Variants in IFNGR2 observed in about 807,000 individuals in gnomAD.
IFNGR2 encodes interferon gamma receptor 2.
IFNGR2 carries 15 observed loss-of-function variants against 41.1 expected under a neutral mutation model. That is an observed-to-expected ratio of 0.37 (90% CI 0.24 to 0.56). The LOEUF (loss-of-function observed/expected upper bound fraction) is 0.56. Among genes scored for constraint, IFNGR2 ranks in the 20% least tolerant of loss-of-function variants. IFNGR2 has a pLI of 0.81. For missense variants in IFNGR2, 362 were observed against 415.7 expected (o/e 0.87, Z 1.12); for synonymous variants, 161 against 171.6 (o/e 0.94, Z 0.48).
Position 33,414,948 on chromosome 21 carries a change from A to G in IFNGR2, c.134A>G (p.Gln45Arg). 6.2e-7 allele frequency: 1 copy of G among 1,614,092 alleles called. No homozygotes were observed. The change falls in exon 2 of 7, where the codon CAG (glutamine) becomes CGG (arginine). Residue 45 changes from glutamine (Q) to arginine (R), a missense_variant. Physicochemically the swap from Gln to Arg is conservative, Grantham distance 43. Coordinates refer to ENST00000290219, the MANE Select transcript of IFNGR2 (RefSeq NM_005534.4). The stretch of plus-strand genomic sequence containing the variant: ...AAGATTCGCCTGTACAACGCAGAGC[A>G]GGTCCTGAGTTGGGAGCCAGTGGCC... ...HPKIRLYNAEQVLSWEPVALS... is the reference protein window; with the variant it reads ...HPKIRLYNAERVLSWEPVALS...
chr21:33,414,061 G>C (rs2083735652), intron 1 of IFNGR2, among the ~76,000 whole-genome samples: 1 of 152,078 alleles, frequency 6.6e-6, no homozygotes, highest in Non-Finnish European at 1.5e-5. Context: ...TCAAACTCCT[G>C]ACCTCGAGTG....
At chr21:33,428,971 C>A (rs1195108343) in intron 4 of IFNGR2, among the ~76,000 whole-genome samples, 2 of 152,194 alleles carry the variant, frequency 1.3e-5, no homozygotes, top group African/African-American at 2.4e-5. Context: ...AGCTCCAGGA[C>A]CCTGGGGCCA....
At chr21:33,416,992 C>T (rs1292955536) in intron 2 of IFNGR2, among the ~76,000 whole-genome samples, 1 of 147,810 alleles carries the variant, frequency 6.8e-6, no homozygotes, top group Non-Finnish European at 1.5e-5. Flanking sequence ...ACGATCTTGG[C>T]TCACTGGACC....
chr21:33,436,719 C>CAA, intron 6 of IFNGR2, 109 bp from the exon 7 acceptor site: 3 of 790,948 alleles, frequency 3.8e-6, no homozygotes, highest in Non-Finnish European at 5.6e-6. Context: ...GACTCCATCT[C>CAA]AAAAAAAAAA....
chr21:33,407,648 T>A (rs927184206), intron 1 of IFNGR2, among the ~76,000 whole-genome samples: 1 of 152,248 alleles, frequency 6.6e-6, no homozygotes, highest in Admixed American at 6.5e-5. Context: ...CAGGTGGGAA[T>A]GCAGTGGCGC....
At chr21:33,406,248 C>T (rs372110292) in intron 1 of IFNGR2, among the ~76,000 whole-genome samples, 26 of 151,800 alleles carry the variant, frequency 1.7e-4, no homozygotes, top group African/African-American at 5.1e-4. Flanking sequence ...TGGTGGTTGG[C>T]GCCTGTAATC....
chr21:33,426,059 C>T (rs2123356740), intron 3 of IFNGR2, among the ~76,000 whole-genome samples: 1 of 152,342 alleles, frequency 6.6e-6, no homozygotes, highest in East Asian at 1.9e-4. Context: ...CTAGCCTGAC[C>T]TGTGAATTAT....
Position 33,403,631 on chromosome 21 carries a change from G to T in IFNGR2, c.73+15G>T. On this transcript the variant is annotated intron_variant, in intron 1 of 6. Transcript: ENST00000290219. ...GGCCCCGCCAGGTGAGCCGGGCCTG[G>T]GCCTCCGCGGCGGGACGCGGGCGCA... 1 of 1,318,466 alleles carries T rather than the reference G, an allele frequency of 7.6e-7. No homozygotes were observed. The allele number at this position is 1,318,466 out of a possible 1,614,324, so 81.7% of individuals were successfully genotyped here.
chr21:33,423,106 C>G (rs2123351946), intron 3 of IFNGR2, among the ~76,000 whole-genome samples: 1 of 134,012 alleles, frequency 7.5e-6, no homozygotes. Context: ...GTGGCGCAAT[C>G]TTGGCTCACT....
intron 1 of IFNGR2, among the ~76,000 whole-genome samples, chr21:33,404,440 T>C (rs909324733): frequency 4.6e-5 from 7 of 152,062 alleles, no homozygotes; most frequent in Admixed American, 4.6e-4. Context: ...GGCATTTATT[T>C]ATTTTATTGT....
chr21:33,410,414 C>T (rs2083707312), intron 1 of IFNGR2, among the ~76,000 whole-genome samples: 1 of 151,278 alleles, frequency 6.6e-6, no homozygotes, highest in Non-Finnish European at 1.5e-5. Flanking sequence ...ATCCACCCAC[C>T]TTGGCCTCCC....
chr21:33,436,746 A>T (rs1046025394), intron 6 of IFNGR2, 82 bp from the exon 7 acceptor site: 1 of 1,166,984 alleles, frequency 8.6e-7, no homozygotes, highest in Admixed American at 2.3e-5. Flanking sequence ...TAAAAATAAA[A>T]TAAAAACAAA....
rs1391490229 is a variant in IFNGR2 at position 33,432,730 on chromosome 21, G to A, written c.738G>A (p.Gln246=). 2 of 1,614,024 alleles carry A rather than the reference G, an allele frequency of 1.2e-6. No individual in the cohort carries two copies. The highest frequency in any genetic ancestry group is 1.7e-5 in the Admixed American group (1 of 59,980). Residue 246 remains glutamine (Q), a synonymous_variant, in exon 6 of 7, where the codon CAG becomes CAA. Transcript: ENST00000290219. ...ETMADASTEL[Q]QVILISVGTF... Reference sequence around the variant, plus strand: ...TCTTTTTAGCCTCCACTGAGCTTCAGCAAGTCATCCTGATCTCCGTGGGAA... The same window carrying A: ...TCTTTTTAGCCTCCACTGAGCTTCAACAAGTCATCCTGATCTCCGTGGGAA...
chr21:33,405,583 A>G (rs753752771), intron 1 of IFNGR2, among the ~76,000 whole-genome samples: 23 of 152,142 alleles, frequency 1.5e-4, no homozygotes, highest in Non-Finnish European at 2.9e-4. Context: ...TTTGTGACTT[A>G]CCTGTGATGA....
At chr21:33,434,324 C>G (rs2083921605) in intron 6 of IFNGR2, among the ~76,000 whole-genome samples, 1 of 152,058 alleles carries the variant, frequency 6.6e-6, no homozygotes, top group Non-Finnish European at 1.5e-5. Context: ...GAGTTCGAGA[C>G]CAGCCTGGCC....
At position 33,411,323 on chromosome 21, in the gene IFNGR2, C is replaced by T. The variant is rs140795825; in HGVS notation, c.74-3565C>T. 266 of 393,750 alleles carry T rather than the reference C, an allele frequency of 6.8e-4. 2 individuals carry two copies. The East Asian group carries it at 0.015, about 23-fold the overall frequency. 24.4% of individuals were successfully genotyped at this position (393,750 alleles called of 1,614,324 possible). ...GGGTGGAAGCCCTTCCTTGTCCCCT[C>T]GCCACCCACCCCGGAGCCCCTTGGT... On this transcript the variant is annotated intron_variant, in intron 1 of 6. Transcript: ENST00000290219.
chr21:33,424,310 A>G (rs2083818085), intron 3 of IFNGR2, among the ~76,000 whole-genome samples: 1 of 151,860 alleles, frequency 6.6e-6, no homozygotes, highest in African/African-American at 2.4e-5. Flanking sequence ...TTTAAAAAAA[A>G]AAAGGAATGA....
chr21:33,410,872 A>G (rs1296884663), intron 1 of IFNGR2: 4 of 1,547,664 alleles, frequency 2.6e-6, no homozygotes, highest in East Asian at 2.4e-5. Flanking sequence ...GAATGGTGCA[A>G]TGATTCAGCA....
intron 2 of IFNGR2, among the ~76,000 whole-genome samples, chr21:33,416,906 T>C (rs1273791399): frequency 5.3e-5 from 8 of 150,692 alleles, no homozygotes; most frequent in Non-Finnish European, 1.2e-4. Flanking sequence ...CCAGGTAACT[T>C]GTTTTTCTTT....
Sources: allele counts gnomAD v4.1 joint callset (sites outside exome capture counted in the v4.1 genomes callset), GRCh38; gene constraint gnomAD v4.1.1; transcripts MANE v1.5; gene names NCBI Gene and HGNC (gene_info 2026-07-23, HGNC 2026-07-21).